Variants in MMP20 observed in about 807,000 individuals in gnomAD.
MMP20 encodes matrix metalloproteinase-20.
Under a neutral mutation model 51.8 loss-of-function variants are expected in MMP20, and 50 were observed. That is an observed-to-expected ratio of 0.97 (90% CI 0.77 to 1.22). The LOEUF is 1.22. MMP20 is among the 50% of genes most tolerant of loss of function. The probability of loss-of-function intolerance (pLI) is 0.00; values close to 1 mark genes in which losing one functional copy is unlikely to be tolerated. For synonymous variants in MMP20, 244 were observed against 216.2 expected (o/e 1.13, Z -1.13); for missense variants, 663 against 601.4 (o/e 1.10, Z -1.07).
At chr11:102,606,317 A>G (rs1396104228) in intron 6 of MMP20, among the ~76,000 whole-genome samples, 1 of 152,220 alleles carries the variant, frequency 6.6e-6, no homozygotes, top group African/African-American at 2.4e-5. Flanking sequence ...TATGGACATA[A>G]CTTAGCACAG....
At chr11:102,585,963 G>A (rs1270662717) in intron 8 of MMP20, among the ~76,000 whole-genome samples, 2 of 152,052 alleles carry the variant, frequency 1.3e-5, no homozygotes, top group Non-Finnish European at 2.9e-5. Context: ...CTTGGTCTTG[G>A]TGTATAATTC....
chr11:102,595,975 G>A (rs1341646065), intron 6 of MMP20, among the ~76,000 whole-genome samples: 1 of 152,188 alleles, frequency 6.6e-6, no homozygotes, highest in Non-Finnish European at 1.5e-5. Context: ...ATTTTATGTA[G>A]AGTTTTCCTA....
intron 1 of MMP20, among the ~76,000 whole-genome samples, chr11:102,618,809 T>C (rs1439728092): frequency 2.0e-5 from 3 of 152,208 alleles, no homozygotes; most frequent in Non-Finnish European, 4.4e-5. Flanking sequence ...CAAAAGTTTT[T>C]ACAATGAGCA....
In MMP20 at chr11:102,611,807, A is replaced by T. The variant is rs1011091771; in HGVS notation, c.471T>A (p.Phe157Leu). 3 of 1,614,136 alleles carry T rather than the reference A, an allele frequency of 1.9e-6. No homozygotes were observed. Among genetic ancestry groups the T allele is most frequent in the African/African-American group, 1.3e-5 (1 of 74,952 alleles). Residue 157 changes from phenylalanine (F) to leucine (L), a missense_variant, in exon 3 of 10, where the codon TTT becomes TTA. Phe to Leu is a conservative substitution (Grantham distance 22). Coordinates refer to ENST00000260228, the MANE Select transcript of MMP20 (RefSeq NM_004771.4). ...QAWSSAVPLS[F>L]VRINSGEADI... The stretch of plus-strand genomic sequence containing the variant: ...CCGCTTCTCCTGAGTTTATTCTGAC[A>T]AAGCTCAGAGGGACGGCGCTACTCC...
Position 102,577,254 on chromosome 11 carries a change from T to C in MMP20, c.*72A>G. The C allele has an allele frequency of 1.0e-6, 1 of 1,003,494 alleles. No homozygotes were observed. The highest frequency in any genetic ancestry group is 2.4e-5 in the East Asian group (1 of 41,970). The allele number at this position is 1,003,494 out of a possible 1,614,324, so 62.2% of individuals were successfully genotyped here. The stretch of plus-strand genomic sequence containing the variant: ...GAAGAATCCCTCTCCTACATTCTGC[T>C]TTAGTCCTTAAGATCCAGTTAGAGG... On this transcript the variant is annotated 3_prime_UTR_variant, in exon 10 of 10. Transcript: ENST00000260228.
intron 9 of MMP20, 140 bp from the exon 10 acceptor site, chr11:102,577,566 G>A (rs1011588873): frequency 1.4e-5 from 10 of 692,752 alleles, no homozygotes; most frequent in African/African-American, 8.8e-5. Context: ...CTTGTCTTCT[G>A]TCTTCATGCC....
intron 5 of MMP20, among the ~76,000 whole-genome samples, chr11:102,608,488 A>G (rs1859548578): frequency 6.6e-6 from 1 of 152,230 alleles, no homozygotes; most frequent in Non-Finnish European, 1.5e-5. Flanking sequence ...AGGCTGGTGT[A>G]AGACTACACA....
chr11:102,599,745 A>G (rs1210607885), intron 6 of MMP20, among the ~76,000 whole-genome samples: 1 of 152,210 alleles, frequency 6.6e-6, no homozygotes, highest in Non-Finnish European at 1.5e-5. Context: ...CATTCATTCT[A>G]TGGGACTCAT....
chr11:102,577,503 C>A, intron 9 of MMP20, 77 bp from the exon 10 acceptor site: 2 of 1,041,270 alleles, frequency 1.9e-6, no homozygotes, highest in Non-Finnish European at 3.0e-6. Context: ...GTCACTGTCA[C>A]TTTCTTAAAG....
intron 6 of MMP20, among the ~76,000 whole-genome samples, chr11:102,603,827 G>A (rs1008938258): frequency 2.0e-5 from 3 of 152,136 alleles, no homozygotes; most frequent in Non-Finnish European, 2.9e-5. Flanking sequence ...AAGCAGATAC[G>A]TACATTGTAG....
intron 1 of MMP20, among the ~76,000 whole-genome samples, chr11:102,620,163 A>T (rs1198312716): frequency 6.6e-6 from 1 of 152,036 alleles, no homozygotes; most frequent in East Asian, 1.9e-4. Context: ...CCTGTGTTTG[A>T]CTCAGTTCTA....
At chr11:102,579,875 C>T (rs938498223) in intron 8 of MMP20, among the ~76,000 whole-genome samples, 22 of 151,970 alleles carry the variant, frequency 1.4e-4, no homozygotes, top group African/African-American at 5.3e-4. Context: ...GTAATTATTT[C>T]TCTATCAATT....
intron 1 of MMP20, among the ~76,000 whole-genome samples, chr11:102,622,525 G>A (rs554278182): frequency 3.3e-5 from 5 of 152,174 alleles, no homozygotes; most frequent in African/African-American, 9.6e-5. Context: ...TCATCTCAAA[G>A]TTCACTTCCT....
intron 6 of MMP20, among the ~76,000 whole-genome samples, chr11:102,598,032 G>T (rs1235391237): frequency 1.7e-5 from 2 of 120,692 alleles, no homozygotes; most frequent in Non-Finnish European, 3.8e-5. Context: ...CTCCCAAAGT[G>T]CTGAGATTAC....
In MMP20 at chr11:102,576,999, A is replaced by G. The variant is rs745959990; in HGVS notation, c.*327T>C. Reference sequence around the variant, plus strand: ...AATATATGTCATGGAATCCACCACTAGTCTTCCTCCTGGAAATAAAAATCA... The same window carrying G: ...AATATATGTCATGGAATCCACCACTGGTCTTCCTCCTGGAAATAAAAATCA... On this transcript the variant is annotated 3_prime_UTR_variant, in exon 10 of 10. Coordinates refer to ENST00000260228, the MANE Select transcript of MMP20 (RefSeq NM_004771.4). 12 of 306,848 alleles carry G rather than the reference A, an allele frequency of 3.9e-5. No homozygotes were observed. The highest frequency in any genetic ancestry group is 1.9e-4 in the Admixed American group (4 of 21,206). 19.0% of individuals were successfully genotyped at this position (306,848 alleles called of 1,614,324 possible). A position where few individuals can be genotyped will look rare whatever the true frequency, so the allele number is the denominator to read the frequency against.
At position 102,593,451 on chromosome 11, in the gene MMP20, T is replaced by G. The variant is rs1367219266; in HGVS notation, c.1235A>C (p.Asp412Ala). The G allele has an allele frequency of 6.2e-7, 1 of 1,614,036 alleles. No individual in the cohort carries two copies. The highest frequency in any genetic ancestry group is 2.2e-5 in the East Asian group (1 of 44,888). Reference protein sequence around the residue: ...EPQKTLFFVGDEYYSYDERKR... With the variant: ...EPQKTLFFVGAEYYSYDERKR... ...AAAAAAGCCATACCTGTAGTATTCA[T>G]CTCCCACAAAGAAAAGGGTCTTCTG... Residue 412 changes from aspartate to alanine, a missense_variant, in exon 8 of 10, where the codon GAT (aspartate) becomes GCT (alanine). Physicochemically the swap from Asp to Ala is moderately radical, Grantham distance 126. Coordinates refer to ENST00000260228, the MANE Select transcript of MMP20 (RefSeq NM_004771.4).
chr11:102,586,366 G>A (rs903968118), intron 8 of MMP20, among the ~76,000 whole-genome samples: 9 of 151,692 alleles, frequency 5.9e-5, no homozygotes, highest in African/African-American at 1.5e-4. Context: ...TTCTTGACTC[G>A]GTTTTACTAG....
intron 6 of MMP20, among the ~76,000 whole-genome samples, 162 bp from the exon 7 acceptor site, chr11:102,594,919 T>C (rs1360440252): frequency 1.3e-5 from 2 of 151,670 alleles, no homozygotes; most frequent in African/African-American, 2.4e-5. Flanking sequence ...TTTTTTTTTT[T>C]TTTTGAGATG....
intron 2 of MMP20, among the ~76,000 whole-genome samples, chr11:102,612,740 T>TTC (rs1466250677): frequency 6.9e-5 from 10 of 145,940 alleles, no homozygotes; most frequent in African/African-American, 1.7e-4. Flanking sequence ...TTTTCTTTCT[T>TTC]TTTTTTTTTT....
Sources: gnomAD v4.1 joint callset for allele counts (sites outside exome capture counted in the v4.1 genomes callset) on GRCh38, gnomAD v4.1.1 for gene constraint, MANE v1.5 for transcripts, NCBI Gene and HGNC (gene_info 2026-07-23, HGNC 2026-07-21) for gene names.